Variants in ZNF611 observed in about 807,000 individuals in gnomAD.
The protein encoded by ZNF611 is zinc finger protein 611.
A neutral mutation model predicts 8.9 loss-of-function variants in ZNF611; 6 were observed. The ratio of observed to expected loss-of-function variants is 0.68; its 90% CI spans 0.37 to 1.34. The LOEUF is 1.34. Among genes scored for constraint, ZNF611 ranks in the 40% most tolerant of loss-of-function variants. The pLI is 0.02. For synonymous variants in ZNF611, 262 were observed against 279.7 expected (o/e 0.94, Z 0.63); for missense variants, 874 against 841.3 (o/e 1.04, Z -0.48).
rs2062221219 is a variant in ZNF611, at chr19:52,703,797, T to G, written c.*1140A>C. The G allele has an allele frequency of 6.6e-6, 1 of 152,440 alleles. No individual in the cohort carries two copies. The allele number at this position is 152,440 out of a possible 1,614,324, so 9.4% of individuals were successfully genotyped here. ...TAGTAGAGACAGGGATTCACCCTGTTAGCCAGGAAAGTCTCGATCTCCTGA... is the reference window on the plus strand; with the variant it reads ...TAGTAGAGACAGGGATTCACCCTGTGAGCCAGGAAAGTCTCGATCTCCTGA... On this transcript the variant is annotated 3_prime_UTR_variant, in exon 6 of 6. Transcript: ENST00000652185.
intron 3 of ZNF611, among the ~76,000 whole-genome samples, chr19:52,726,452 G>C (rs1001078247): frequency 6.6e-6 from 1 of 151,964 alleles, no homozygotes; most frequent in Non-Finnish European, 1.5e-5. Context: ...ACGGAGTCTT[G>C]CTCTGTCACC....
intron 4 of ZNF611, among the ~76,000 whole-genome samples, chr19:52,714,679 CT>C (rs2062303464): frequency 1.1e-5 from 1 of 91,158 alleles, no homozygotes; most frequent in Non-Finnish European, 2.1e-5. Context: ...CAGACTGACA[CT>C]CCATCTCAAA....
intron 3 of ZNF611, among the ~76,000 whole-genome samples, chr19:52,720,345 G>GC (rs1415129897): frequency 4.2e-5 from 6 of 142,604 alleles, no homozygotes; most frequent in Non-Finnish European, 7.6e-5. Flanking sequence ...AGGCAGAGGC[G>GC]CCCCCCACCT....
chr19:52,715,253 C>G lies in ZNF611; in HGVS notation c.63+579G>C, dbSNP rs146091430. 2.0e-3 allele frequency among the ~76,000 whole-genome samples: 297 copies of G among 151,976 alleles called. 1 individual carries two copies. The highest frequency in any genetic ancestry group is 0.014 in the Middle Eastern group (4 of 294). ...TGGGCGGATCACAAGGTCAGGAGTT[C>G]GAGACCAGCCTGGGAACATGCTGAA... On this transcript the variant is annotated intron_variant, in intron 4 of 5. Transcript: ENST00000652185.
At chr19:52,715,399 G>T (rs2062309727) in intron 4 of ZNF611, among the ~76,000 whole-genome samples, 1 of 152,198 alleles carries the variant, frequency 6.6e-6, no homozygotes, top group South Asian at 2.1e-4. Context: ...AGGTTGCAGT[G>T]AGCTGATACC....
At position 52,714,086 on chromosome 19, in the gene ZNF611, C is replaced by A. The variant is rs149629821; in HGVS notation, c.119G>T (p.Cys40Phe). ...AIEFSLAEWK[C>F]LNPSQRALYR... is the part of the protein sequence containing the mutation. ...CAAAGCCCTCTGTGAAGGGTTCAGG[C>A]ATTTCCACTCTGCCAATGAGAATTC... The change falls in exon 5 of 6, where the codon TGC becomes TTC. Residue 40 changes from cysteine (C) to phenylalanine (F), a missense_variant. Transcript: ENST00000652185. 6,234 of 1,614,020 alleles carry A rather than the reference C, an allele frequency of 3.9e-3. 17 individuals carry two copies. The highest frequency in any genetic ancestry group is 0.01 in the Middle Eastern group (61 of 6,058).
In ZNF611 at chr19:52,703,157, C is replaced by A. The variant is rs1310443628; in HGVS notation, c.*1780G>T. The A allele has an allele frequency of 6.6e-6, 1 of 151,108 alleles. No individual in the cohort carries two copies. Among genetic ancestry groups the A allele is most frequent in the East Asian group, 1.9e-4 (1 of 5,182 alleles). 9.4% of individuals were successfully genotyped at this position (151,108 alleles called of 1,614,324 possible). On this transcript the variant is annotated 3_prime_UTR_variant, in exon 6 of 6. Transcript: ENST00000652185. ...CAACTTTTATAACTTAGATTTATCT[C>A]AAACTCAAACTGCAAAATAAATAAA...
rs1340827054 is a variant in ZNF611 at position 52,706,041 on chromosome 19, A to G, written c.1014T>C (p.Thr338=). The change falls in exon 6 of 6, where the codon ACT becomes ACC. Residue 338 remains threonine, a synonymous_variant. Coordinates refer to ENST00000652185, the MANE Select transcript of ZNF611 (RefSeq NM_001161499.2). ...CATTACACTTGTAAGGATTTTCTCCAGTATCAATTGCCTTATCAATTAGAA... is the reference window on the plus strand; with the variant it reads ...CATTACACTTGTAAGGATTTTCTCCGGTATCAATTGCCTTATCAATTAGAA... ...SALLIDKAID[T]GENPYKCNEC... 1.2e-6 allele frequency: 2 copies of G among 1,614,182 alleles called. No individual in the cohort carries two copies. The highest frequency in any genetic ancestry group is 8.5e-7 in the Non-Finnish European group (1 of 1,180,010).
intron 1 of ZNF611, among the ~76,000 whole-genome samples, chr19:52,732,112 T>G (rs2062429416): frequency 1.3e-5 from 2 of 150,742 alleles, no homozygotes; most frequent in Non-Finnish European, 3.0e-5. Flanking sequence ...CTACTAATAA[T>G]ACAAAAAATT....
intron 5 of ZNF611, among the ~76,000 whole-genome samples, chr19:52,710,246 T>G (rs1028713359): frequency 1.4e-5 from 2 of 147,780 alleles, no homozygotes; most frequent in Admixed American, 6.9e-5. Context: ...TTTTTTTTTT[T>G]GGGAAACAGA....
At chr19:52,732,861 G>A (rs186643131) in intron 1 of ZNF611, among the ~76,000 whole-genome samples, 195 of 152,188 alleles carry the variant, frequency 1.3e-3, no homozygotes, top group Middle Eastern at 6.8e-3. Context: ...GGCTGAGGAA[G>A]GAGGATGGCT....
rs1224830104 is a variant in ZNF611, at chr19:52,705,222, G to C, written c.1833C>G (p.Cys611Trp). The change falls in exon 6 of 6, where the codon TGC (cysteine) becomes TGG (tryptophan). Residue 611 changes from cysteine to tryptophan, a missense_variant. Coordinates refer to ENST00000652185, the MANE Select transcript of ZNF611 (RefSeq NM_001161499.2). ...TCTCACCACTATGAAGTCTACGATG[G>C]CAATGAAGGGATGACCTGCGACTGA... ...KTFSRRSSLHCHRRLHSGEKP... is the reference protein window; with the variant it reads ...KTFSRRSSLHWHRRLHSGEKP... The C allele has an allele frequency of 6.2e-7, 1 of 1,613,944 alleles. No homozygotes were observed. Among genetic ancestry groups the C allele is most frequent in the South Asian group, 1.1e-5 (1 of 91,072 alleles).
intron 3 of ZNF611, among the ~76,000 whole-genome samples, chr19:52,728,351 C>T (rs2062405112): frequency 1.3e-5 from 2 of 152,232 alleles, no homozygotes; most frequent in South Asian, 2.1e-4. Context: ...CCAGCCTGGC[C>T]AACATGGTGA....
In ZNF611 at chr19:52,704,230, CAATT is replaced by C. The variant is rs2062224244; in HGVS notation, c.*703_*706del. 1 of 430,284 alleles carries C rather than the reference CAATT, an allele frequency of 2.3e-6. No homozygotes were observed. Among genetic ancestry groups the C allele is most frequent in the Non-Finnish European group, 4.7e-6 (1 of 213,762 alleles). The allele number at this position is 430,284 out of a possible 1,614,324, so 26.7% of individuals were successfully genotyped here. A position where few individuals can be genotyped will look rare whatever the true frequency, so the allele number is the denominator to read the frequency against. On this transcript the variant is annotated 3_prime_UTR_variant, in exon 6 of 6. Coordinates refer to ENST00000652185, the MANE Select transcript of ZNF611 (RefSeq NM_001161499.2). ...GTCAATGCTGAATTGACTCCAATGT[CAATT>C]AATGCTTGATGGTTTGCTATACTCA...
intron 5 of ZNF611, among the ~76,000 whole-genome samples, chr19:52,713,808 T>C (rs2062296313): frequency 6.6e-6 from 1 of 152,044 alleles, no homozygotes; most frequent in Non-Finnish European, 1.5e-5. Flanking sequence ...GGAGAATCAC[T>C]TGATCCTGAG....
At chr19:52,717,429 A>G (rs1443394400) in intron 3 of ZNF611, among the ~76,000 whole-genome samples, 2 of 152,192 alleles carry the variant, frequency 1.3e-5, no homozygotes, top group Admixed American at 6.5e-5. Context: ...GCTCAAGTGA[A>G]GGCCCTGAGA....
At chr19:52,734,103 A>G (rs1290825151) in intron 1 of ZNF611, among the ~76,000 whole-genome samples, 1 of 131,770 alleles carries the variant, frequency 7.6e-6, no homozygotes, top group African/African-American at 3.0e-5. Context: ...CACTCCCCCT[A>G]CCTTGTGATC....
intron 5 of ZNF611, chr19:52,711,360 A>C (rs1391346228): frequency 4.3e-5 from 2 of 46,288 alleles, no homozygotes; most frequent in Non-Finnish European, 8.4e-5. Context: ...ACAAAAAACA[A>C]AAAAAAAAAC....
intron 3 of ZNF611, chr19:52,721,411 G>T: frequency 5.9e-6 from 1 of 168,520 alleles, no homozygotes; most frequent in Non-Finnish European, 1.2e-5. Flanking sequence ...GAGTGAGCAA[G>T]ACTCCGTCTG....
Sources: allele counts gnomAD v4.1 joint callset (sites outside exome capture counted in the v4.1 genomes callset), GRCh38; gene constraint gnomAD v4.1.1; transcripts MANE v1.5; gene names NCBI Gene and HGNC (gene_info 2026-07-23, HGNC 2026-07-21).